The following FAM193A variants were observed in gnomAD, a reference collection of about 807,000 sequenced individuals.
FAM193A encodes family with sequence similarity 193 member A.
A neutral mutation model predicts 126.5 loss-of-function variants in FAM193A; 22 were observed. The observed-to-expected ratio is 0.17, with a 90% CI of 0.12 to 0.25. The LOEUF (loss-of-function observed/expected upper bound fraction) is 0.25, where lower values mean the gene tolerates loss of function less well. FAM193A is among the 10% of genes least tolerant of loss of function. FAM193A has a pLI of 1.00. For missense variants in FAM193A, 1,675 were observed against 1,672.8 expected (o/e 1.00, Z -0.02); for synonymous variants, 761 against 646.8 (o/e 1.18, Z -2.68).
chr4:2,547,452 A>G (rs1397508899), intron 1 of FAM193A, among the ~76,000 whole-genome samples: 1 of 151,738 alleles, frequency 6.6e-6, no homozygotes, highest in Non-Finnish European at 1.5e-5. Context: ...GGGTCTCACT[A>G]TGTTGCCCAG....
In FAM193A at chr4:2,659,674, A is replaced by G; in HGVS notation, c.1502+4A>G. ...CCAACTGCAACTACAGGAGAAGGTA[A>G]GGCTGGGTTGTGGTGTCAGCACGAC... On this transcript the variant is annotated splice_donor_region_variant and intron_variant, in intron 9 of 20. Coordinates refer to ENST00000637812, the MANE Select transcript of FAM193A (RefSeq NM_001366318.2). The G allele has an allele frequency of 6.2e-7, 1 of 1,613,692 alleles. No individual in the cohort carries two copies. Among genetic ancestry groups the G allele is most frequent in the Non-Finnish European group, 8.5e-7 (1 of 1,179,608 alleles).
In FAM193A at chr4:2,705,596, T is replaced by C. The variant is rs1231566129; in HGVS notation, c.4372+5052T>C. Among the ~76,000 whole-genome samples, 5 of 151,902 alleles carry C rather than the reference T, an allele frequency of 3.3e-5. No homozygotes were observed. The East Asian group carries it at 9.7e-4, about 29-fold the overall frequency. ...CACATTATTATTATTTATTCTTTTT[T>C]TTGGGAAGTGGGGTATAGGGTCTTG... On this transcript the variant is annotated intron_variant, in intron 19 of 20. Coordinates refer to ENST00000637812, the MANE Select transcript of FAM193A (RefSeq NM_001366318.2).
chr4:2,668,830 C>CTTTTCTTTTCCT (rs527253828), intron 12 of FAM193A, among the ~76,000 whole-genome samples: 4,724 of 141,724 alleles, frequency 0.033, 104 homozygotes, highest in Non-Finnish European at 0.05. Flanking sequence ...TTTCCTTTTC[C>CTTTTCTTTTCCT]TTTTCTTTTC....
Position 2,639,832 on chromosome 4 carries a change from A to G in FAM193A, c.1136A>G (p.Asn379Ser), listed in dbSNP as rs1432780713. 1 of 1,613,958 alleles carries G rather than the reference A, an allele frequency of 6.2e-7. No homozygotes were observed. Among genetic ancestry groups the G allele is most frequent in the Non-Finnish European group, 8.5e-7 (1 of 1,179,976 alleles). Residue 379 changes from asparagine to serine, a missense_variant, in exon 6 of 21, where the codon AAC (asparagine) becomes AGC (serine). Physicochemically the swap from Asn to Ser is conservative, Grantham distance 46. This residue lies in a region of FAM193A where 1,186 missense variants were observed against 1,109.2 expected (regional missense o/e 1.07). Transcript: ENST00000637812. ...TTTTCGGAGCCACTTCTTCAGAGCA[A>G]CTTGCCCGCACTGGTGTCACAGATC... ...LVFSEPLLQS[N>S]LPALVSQIRL... is the part of the protein sequence containing the mutation.
chr4:2,644,716 A>G (rs17164064), intron 6 of FAM193A, among the ~76,000 whole-genome samples: 22,868 of 152,094 alleles, frequency 0.15, 2,792 homozygotes, highest in African/African-American at 0.34. Context: ...CAGTAGCTGC[A>G]AGGTTCCCAG....
chr4:2,536,398 C>T (rs1011482021), upstream of FAM193A, among the ~76,000 whole-genome samples: 3 of 151,910 alleles, frequency 2.0e-5, no homozygotes, highest in East Asian at 5.8e-4. Context: ...CGCCCGGGCC[C>T]TCGGCCTCGC....
intron 4 of FAM193A, among the ~76,000 whole-genome samples, chr4:2,630,212 A>G (rs1743421742): frequency 1.3e-5 from 2 of 151,498 alleles, no homozygotes; most frequent in Admixed American, 6.6e-5. Flanking sequence ...CCTGAAATTC[A>G]TGAAAATGCT....
At chr4:2,543,953 A>T (rs1169501278) in intron 1 of FAM193A, among the ~76,000 whole-genome samples, 1 of 151,646 alleles carries the variant, frequency 6.6e-6, no homozygotes, top group Admixed American at 6.6e-5. Flanking sequence ...ATCGTTGTAT[A>T]AACATGCTGG....
At chr4:2,590,542 T>G (rs1321990034) in intron 1 of FAM193A, among the ~76,000 whole-genome samples, 2 of 119,928 alleles carry the variant, frequency 1.7e-5, no homozygotes, top group East Asian at 2.5e-4. Flanking sequence ...AAACAGAAAA[T>G]TGTGATTGAG....
chr4:2,654,576 A>G (rs1430165010), intron 7 of FAM193A: 1 of 151,804 alleles, frequency 6.6e-6, no homozygotes, highest in African/African-American at 2.4e-5. Flanking sequence ...GGCTGTGAGG[A>G]GAGAGTCAAG....
rs763063022 is a variant in FAM193A at position 2,689,492 on chromosome 4, A to AT, written c.2332-5dup. On this transcript the variant is annotated splice_polypyrimidine_tract_variant and intron_variant, in intron 13 of 20. Transcript: ENST00000637812. Reference sequence around the variant, plus strand: ...ATTAATTTTGATATGTGATTAGAAAATTTTTTTTTGTAGGCTTTACCGCCA... The same window carrying AT: ...ATTAATTTTGATATGTGATTAGAAAATTTTTTTTTTGTAGGCTTTACCGCCA... 1.4e-4 allele frequency: 208 copies of AT among 1,531,372 alleles called. No homozygotes were observed. The highest frequency in any genetic ancestry group is 4.3e-4 in the Admixed American group (18 of 41,422). The allele number at this position is 1,531,372 out of a possible 1,614,324, so 94.9% of individuals were successfully genotyped here. A position where few individuals can be genotyped will look rare whatever the true frequency, so the allele number is the denominator to read the frequency against.
At chr4:2,688,444 A>C (rs988765772) in intron 13 of FAM193A, among the ~76,000 whole-genome samples, 2 of 151,964 alleles carry the variant, frequency 1.3e-5, no homozygotes, top group African/African-American at 4.8e-5. Context: ...TAGCGAGCTG[A>C]GGCTTGCACA....
intron 1 of FAM193A, among the ~76,000 whole-genome samples, chr4:2,543,218 G>A (rs932238487): frequency 2.6e-5 from 4 of 151,902 alleles, no homozygotes; most frequent in African/African-American, 4.8e-5. Context: ...CTCCCAGGTC[G>A]CTGGGGCTAC....
intron 1 of FAM193A, among the ~76,000 whole-genome samples, chr4:2,586,742 C>G (rs1481491042): frequency 6.6e-6 from 1 of 152,206 alleles, no homozygotes; most frequent in Non-Finnish European, 1.5e-5. Flanking sequence ...TAGCCTCAAC[C>G]TCCTGGGCTC....
intron 2 of FAM193A, among the ~76,000 whole-genome samples, chr4:2,609,326 A>T (rs1269662906): frequency 2.0e-5 from 3 of 152,038 alleles, no homozygotes; most frequent in Admixed American, 2.0e-4. Context: ...CTGGTGGGAG[A>T]TACGGTGAGG....
intron 2 of FAM193A, among the ~76,000 whole-genome samples, chr4:2,605,273 C>G (rs1362034144): frequency 6.6e-6 from 1 of 152,200 alleles, no homozygotes; most frequent in Non-Finnish European, 1.5e-5. Flanking sequence ...AGCAAGTTCA[C>G]ACTTGCCGGC....
chr4:2,703,402 A>G (rs181148861), intron 19 of FAM193A, among the ~76,000 whole-genome samples: 2 of 152,206 alleles, frequency 1.3e-5, no homozygotes, highest in Middle Eastern at 3.4e-3. Flanking sequence ...ACGTGCCACC[A>G]TACCCAGCTA....
chr4:2,578,857 G>C (rs1739756437), intron 1 of FAM193A, among the ~76,000 whole-genome samples: 1 of 151,964 alleles, frequency 6.6e-6, no homozygotes, highest in South Asian at 2.1e-4. Context: ...TCTTTACATT[G>C]GCTAGGCTGA....
In FAM193A at chr4:2,589,472, G is replaced by A. The variant is rs575848691; in HGVS notation, c.256-6612G>A. Among the ~76,000 whole-genome samples the A allele has an allele frequency of 1.0e-3, 152 of 152,240 alleles. 2 individuals are homozygous for A. Among genetic ancestry groups the A allele is most frequent in the Admixed American group, 9.9e-3 (151 of 15,296 alleles). On this transcript the variant is annotated intron_variant, in intron 1 of 20. Coordinates refer to ENST00000637812, the MANE Select transcript of FAM193A (RefSeq NM_001366318.2). ...AAACTGTTATATTAGCTATTTAAAA[G>A]GATGCTGTAATAATGTAGAATCAGT...
Sources: allele counts gnomAD v4.1 joint callset (sites outside exome capture counted in the v4.1 genomes callset), GRCh38; gene constraint gnomAD v4.1.1; regional missense constraint gnomAD v4.1.1; transcripts MANE v1.5; gene names NCBI Gene and HGNC (gene_info 2026-07-23, HGNC 2026-07-21).